Variants in FARP1 observed in about 807,000 individuals in gnomAD.
The protein encoded by FARP1 is FERM, ARHGEF and pleckstrin domain-containing protein 1.
In FARP1, 52 loss-of-function variants were observed where a neutral mutation model predicts 128.8. The ratio of observed to expected loss-of-function variants is 0.40; its 90% CI spans 0.32 to 0.51. The LOEUF (loss-of-function observed/expected upper bound fraction) is 0.51. FARP1 is among the 20% of genes least tolerant of loss of function. The pLI, the probability that FARP1 is intolerant of heterozygous loss-of-function variation, is 0.45. For missense variants in FARP1, 1,333 were observed against 1,367.9 expected, an observed-to-expected ratio of 0.97 and a Z score of 0.40; for synonymous variants, 580 against 551.8, an observed-to-expected ratio of 1.05 and a Z score of -0.72.
At chr13:98,409,302 CTT>C (rs5806061) in intron 13 of FARP1, 34 bp from the exon 14 acceptor site, 7 of 1,299,482 alleles carry the variant, frequency 5.4e-6, no homozygotes, top group Non-Finnish European at 7.3e-6. Flanking sequence ...AAAAAAATTA[CTT>C]TTTTTTTCTT....
At position 98,435,572 on chromosome 13, in the gene FARP1, A is replaced by G. The variant is rs76473592; in HGVS notation, c.2144-4A>G. 3.7e-6 allele frequency: 6 copies of G among 1,607,952 alleles called. No homozygotes were observed. The highest frequency in any genetic ancestry group is 5.1e-6 in the Non-Finnish European group (6 of 1,176,496). On this transcript the variant is annotated splice_region_variant and splice_polypyrimidine_tract_variant and intron_variant, in intron 18 of 26. Transcript: ENST00000319562. ...TGCAGACTGTGTATGTCTTTCCTTC[A>G]CAGCCGCTTTGGCAGAGATCACGGA... is the stretch of plus-strand genomic sequence containing the variant.
intron 2 of FARP1, among the ~76,000 whole-genome samples, chr13:98,307,938 G>A (rs1286535759): frequency 4.6e-5 from 7 of 151,956 alleles, no homozygotes; most frequent in Admixed American, 6.5e-5. Context: ...ACAATCTGAC[G>A]GCAGCCTAGC....
intron 9 of FARP1, 69 bp from the exon 10 acceptor site, chr13:98,389,888 C>G: frequency 6.7e-7 from 1 of 1,483,284 alleles, no homozygotes; most frequent in Non-Finnish European, 9.3e-7. Context: ...TCTTCTGCCC[C>G]TTTTCTCCTA....
intron 2 of FARP1, among the ~76,000 whole-genome samples, chr13:98,219,937 G>A (rs1881317961): frequency 6.6e-6 from 1 of 152,130 alleles, no homozygotes; most frequent in Non-Finnish European, 1.5e-5. Context: ...CTAAAGCGCT[G>A]TGATTGCAGG....
intron 2 of FARP1, among the ~76,000 whole-genome samples, chr13:98,216,322 G>A (rs2098807721): frequency 6.6e-6 from 1 of 152,176 alleles, no homozygotes; most frequent in Non-Finnish European, 1.5e-5. Flanking sequence ...GGTGACTACA[G>A]GGTTGTGAGA....
At chr13:98,228,043 A>G (rs2139391501) in intron 2 of FARP1, among the ~76,000 whole-genome samples, 1 of 152,322 alleles carries the variant, frequency 6.6e-6, no homozygotes, top group South Asian at 2.1e-4. Flanking sequence ...TATACCTAGC[A>G]CTACTGAATG....
At chr13:98,207,908 C>CCACACACACA (rs71111934) in intron 1 of FARP1, among the ~76,000 whole-genome samples, 3,187 of 71,540 alleles carry the variant, frequency 0.045, 393 homozygotes, top group East Asian at 0.095. Context: ...ACCACCACCT[C>CCACACACACA]CACACACACA....
At chr13:98,177,064 T>A in intron 1 of FARP1, 5 of 1,596,178 alleles carry the variant, frequency 3.1e-6, no homozygotes, top group Non-Finnish European at 4.2e-6. Flanking sequence ...CCGCGGGGGC[T>A]GAGCCACTGT....
intron 1 of FARP1, among the ~76,000 whole-genome samples, chr13:98,186,183 C>A (rs191434119): frequency 5.3e-5 from 8 of 151,820 alleles, no homozygotes; most frequent in Middle Eastern, 3.4e-3. Flanking sequence ...CTTGGCTCAC[C>A]GCAACCTCTG....
At chr13:98,306,724 A>G (rs372904114) in intron 2 of FARP1, among the ~76,000 whole-genome samples, 3 of 151,722 alleles carry the variant, frequency 2.0e-5, no homozygotes, top group Non-Finnish European at 1.5e-5. Context: ...AGGTCTCTCT[A>G]TGTTACCCAG....
chr13:98,318,475 C>T (rs1484627436), intron 2 of FARP1, among the ~76,000 whole-genome samples: 1 of 152,178 alleles, frequency 6.6e-6, no homozygotes, highest in Non-Finnish European at 1.5e-5. Flanking sequence ...GTTAGGACTT[C>T]GACCTGTAAA....
At chr13:98,429,127 G>C (rs1891909074) in intron 17 of FARP1, among the ~76,000 whole-genome samples, 1 of 152,204 alleles carries the variant, frequency 6.6e-6, no homozygotes, top group South Asian at 2.1e-4. Context: ...AAAACAGAAA[G>C]TCATGAAATC....
intron 2 of FARP1, among the ~76,000 whole-genome samples, chr13:98,275,949 A>T (rs1014641966): frequency 6.6e-6 from 1 of 152,224 alleles, no homozygotes; most frequent in African/African-American, 2.4e-5. Context: ...TGTGTGTGAA[A>T]CTGACAAAGG....
chr13:98,249,505 G>T (rs1432941313), intron 2 of FARP1, among the ~76,000 whole-genome samples: 2 of 152,168 alleles, frequency 1.3e-5, no homozygotes, highest in South Asian at 2.1e-4. Flanking sequence ...TCATTAAAAA[G>T]AACTTCTGGT....
intron 2 of FARP1, among the ~76,000 whole-genome samples, chr13:98,262,783 T>C (rs1379046872): frequency 2.0e-5 from 3 of 152,152 alleles, no homozygotes; most frequent in African/African-American, 7.2e-5. Flanking sequence ...TCAGGCCTGA[T>C]CTCTGTCAGA....
At chr13:98,182,258 A>G (rs1473160530) in intron 1 of FARP1, among the ~76,000 whole-genome samples, 5 of 94,290 alleles carry the variant, frequency 5.3e-5, no homozygotes, top group Non-Finnish European at 1.0e-4. Context: ...TAGTCTTTTT[A>G]CTGTTTTTTT....
intron 2 of FARP1, among the ~76,000 whole-genome samples, chr13:98,327,459 TC>T (rs1887285090): frequency 6.6e-6 from 1 of 152,222 alleles, no homozygotes; most frequent in Admixed American, 6.5e-5. Flanking sequence ...AGATAAGGCT[TC>T]ATAACAAGGG....
chr13:98,152,459 C>T (rs1876082471), intron 1 of FARP1, among the ~76,000 whole-genome samples: 2 of 152,172 alleles, frequency 1.3e-5, no homozygotes, highest in Non-Finnish European at 2.9e-5. Flanking sequence ...CCTGGAATCA[C>T]AGCAGCCATG....
At chr13:98,233,507 C>G (rs548410609) in intron 2 of FARP1, 20 of 152,278 alleles carry the variant, frequency 1.3e-4, no homozygotes, top group African/African-American at 4.3e-4. Context: ...ATTAGATAGA[C>G]AAGCCCCAGG....
Sources: allele counts gnomAD v4.1 joint callset (sites outside exome capture counted in the v4.1 genomes callset), GRCh38; gene constraint gnomAD v4.1.1; transcripts MANE v1.5; gene names NCBI Gene and HGNC (gene_info 2026-07-23, HGNC 2026-07-21).